The following KHDRBS2 variants were observed in gnomAD, a reference collection of about 807,000 sequenced individuals.
KHDRBS2 encodes KH domain-containing, RNA-binding, signal transduction-associated protein 2.
A neutral mutation model predicts 44.3 loss-of-function variants in KHDRBS2; 26 were observed. The observed-to-expected ratio is 0.59, with a 90% CI of 0.43 to 0.81. The LOEUF (loss-of-function observed/expected upper bound fraction) is 0.81. KHDRBS2 is among the 40% of genes least tolerant of loss of function. The pLI is 0.00. For synonymous variants in KHDRBS2, 194 were observed against 151.1 expected (o/e 1.28, Z -2.08); for missense variants, 476 against 433.1 (o/e 1.10, Z -0.88).
Position 61,764,254 on chromosome 6 carries a change from C to T in KHDRBS2, c.811-31490G>A, listed in dbSNP as rs1779681911. Among the ~76,000 whole-genome samples the T allele has an allele frequency of 2.0e-5, 3 of 152,118 alleles. No homozygotes were observed. In the South Asian group the frequency reaches 6.2e-4, roughly 32 times the overall value. ...TCATTGATGGGCATTTGGGTTGATT[C>T]CATATCCTTGCTATTGTGAATAGTG... On this transcript the variant is annotated intron_variant, in intron 6 of 8. Transcript: ENST00000281156.
chr6:62,190,686 G>A (rs551082), intron 1 of KHDRBS2, among the ~76,000 whole-genome samples: 26,090 of 151,804 alleles, frequency 0.17, 2,522 homozygotes, highest in African/African-American at 0.26. Context: ...AAAACTCAGC[G>A]CATCTCAAAC....
intron 2 of KHDRBS2, among the ~76,000 whole-genome samples, chr6:62,156,828 C>T (rs1375164389): frequency 1.5e-5 from 2 of 133,730 alleles, no homozygotes; most frequent in Non-Finnish European, 1.6e-5. Context: ...CCCGCCACCA[C>T]GCCCGGCTAA....
chr6:61,712,689 A>C (rs1481602564), intron 7 of KHDRBS2, among the ~76,000 whole-genome samples: 1 of 151,838 alleles, frequency 6.6e-6, no homozygotes, highest in Admixed American at 6.6e-5. Context: ...AAAATTATCT[A>C]CTTCATTAGA....
At chr6:61,775,428 G>A (rs1019895409) in intron 6 of KHDRBS2, among the ~76,000 whole-genome samples, 1 of 152,090 alleles carries the variant, frequency 6.6e-6, no homozygotes, top group African/African-American at 2.4e-5. Flanking sequence ...AAGCTGATAA[G>A]CAACTTCAGC....
At chr6:61,787,695 A>G (rs559348933) in intron 6 of KHDRBS2, among the ~76,000 whole-genome samples, 6 of 151,690 alleles carry the variant, frequency 4.0e-5, no homozygotes, top group Non-Finnish European at 8.9e-5. Flanking sequence ...CCTGTGTTCC[A>G]GCCCAATGAC....
At chr6:61,937,343 C>A (rs1385290103) in intron 4 of KHDRBS2, among the ~76,000 whole-genome samples, 1 of 151,846 alleles carries the variant, frequency 6.6e-6, no homozygotes, top group Middle Eastern at 3.2e-3. Context: ...TCAACCATAT[C>A]AGATATTCTT....
At chr6:61,827,293 C>T (rs974680443) in intron 6 of KHDRBS2, among the ~76,000 whole-genome samples, 8 of 152,156 alleles carry the variant, frequency 5.3e-5, no homozygotes, top group East Asian at 3.9e-4. Context: ...AGGATGTTAA[C>T]GCAGGCTGCC....
At chr6:62,046,454 AG>A in intron 3 of KHDRBS2, among the ~76,000 whole-genome samples, 1 of 152,102 alleles carries the variant, frequency 6.6e-6, no homozygotes, top group Admixed American at 6.6e-5. Flanking sequence ...AGCCTATTAT[AG>A]GAGTTCAGGG....
At chr6:61,883,342 G>C (rs1484511167) in intron 6 of KHDRBS2, among the ~76,000 whole-genome samples, 1 of 151,952 alleles carries the variant, frequency 6.6e-6, no homozygotes, top group Non-Finnish European at 1.5e-5. Flanking sequence ...AGAGCCTAGA[G>C]GAAACTTTAA....
chr6:62,269,909 T>C (rs1039639492), intron 1 of KHDRBS2, among the ~76,000 whole-genome samples: 6 of 151,994 alleles, frequency 3.9e-5, no homozygotes, highest in Non-Finnish European at 8.8e-5. Context: ...ATAAAAGAAA[T>C]AAACTATTAA....
intron 2 of KHDRBS2, among the ~76,000 whole-genome samples, chr6:62,126,047 C>T (rs1808883101): frequency 6.6e-6 from 1 of 152,056 alleles, no homozygotes; most frequent in Non-Finnish European, 1.5e-5. Context: ...CTCTTGGGGT[C>T]CCCAGTTCCA....
At chr6:62,085,398 C>T (rs898740946) in intron 2 of KHDRBS2, among the ~76,000 whole-genome samples, 6 of 151,660 alleles carry the variant, frequency 4.0e-5, no homozygotes, top group African/African-American at 1.5e-4. Context: ...GTGGTGAAAG[C>T]AGTGGAAAAT....
intron 6 of KHDRBS2, among the ~76,000 whole-genome samples, chr6:61,814,841 T>A (rs747454977): frequency 4.6e-5 from 7 of 151,914 alleles, no homozygotes; most frequent in African/African-American, 1.7e-4. Flanking sequence ...CAGTTGTTCC[T>A]CAGCATCTTT....
intron 1 of KHDRBS2, among the ~76,000 whole-genome samples, chr6:62,217,209 A>G (rs1238060932): frequency 6.6e-6 from 1 of 151,746 alleles, no homozygotes; most frequent in East Asian, 1.9e-4. Context: ...AGTCTTTCTC[A>G]TGAACCTAAA....
At chr6:61,886,557 T>TTA (rs1390207594) in intron 6 of KHDRBS2, among the ~76,000 whole-genome samples, 1 of 152,130 alleles carries the variant, frequency 6.6e-6, no homozygotes, top group Non-Finnish European at 1.5e-5. Flanking sequence ...TCTACTGTCA[T>TTA]TATATATATG....
At chr6:62,272,533 T>A (rs1840255497) in intron 1 of KHDRBS2, among the ~76,000 whole-genome samples, 1 of 152,184 alleles carries the variant, frequency 6.6e-6, no homozygotes. Context: ...CACTGAGGCA[T>A]TCCATCTCAT....
In KHDRBS2 at chr6:61,681,037, G is replaced by A. The variant is rs17853264; in HGVS notation, c.976C>T (p.Arg326Cys). Residue 326 changes from arginine (R) to cysteine (C), a missense_variant, in exon 9 of 9, where the codon CGC (arginine) becomes TGC (cysteine). Physicochemically the swap from Arg to Cys is radical, Grantham distance 180. Transcript: ENST00000281156. Reference protein sequence around the residue: ...SYAPEEWATTRSSLKAPPQRS... With the variant: ...SYAPEEWATTCSSLKAPPQRS... ...TGCGGTGGTGCCTTCAAGCTAGAGC[G>A]GGTTGTGGCCCATTCTTCTGGTGCT... 18 of 1,611,458 alleles carry A rather than the reference G, an allele frequency of 1.1e-5. No individual in the cohort carries two copies. Among genetic ancestry groups the A allele is most frequent in the Middle Eastern group, 1.7e-4 (1 of 6,036 alleles).
intron 2 of KHDRBS2, among the ~76,000 whole-genome samples, chr6:62,135,507 A>T (rs1811319630): frequency 6.6e-6 from 1 of 152,134 alleles, no homozygotes. Context: ...CTACTGTATG[A>T]CCCACGTATA....
intron 1 of KHDRBS2, among the ~76,000 whole-genome samples, chr6:62,188,447 T>A (rs1327467992): frequency 6.6e-6 from 1 of 152,080 alleles, no homozygotes; most frequent in Non-Finnish European, 1.5e-5. Flanking sequence ...TCCAGGTCCA[T>A]CCATGTTGTC....
Sources: allele counts gnomAD v4.1 joint callset (sites outside exome capture counted in the v4.1 genomes callset), GRCh38; gene constraint gnomAD v4.1.1; transcripts MANE v1.5; gene names NCBI Gene and HGNC (gene_info 2026-07-23, HGNC 2026-07-21).